Variants in OXNAD1 observed in about 807,000 individuals in gnomAD.
OXNAD1 encodes the protein oxidoreductase NAD binding domain containing 1, also known as oxidoreductase NAD-binding domain-containing protein 1.
OXNAD1 carries 34 observed loss-of-function variants against 32.9 expected under a neutral mutation model. That is an observed-to-expected ratio of 1.03 (90% confidence interval 0.79 to 1.38). The LOEUF (loss-of-function observed/expected upper bound fraction) is 1.38, where lower values mean the gene tolerates loss of function less well. OXNAD1 is among the 40% of genes most tolerant of loss of function. OXNAD1 has a pLI of 0.00. For missense variants in OXNAD1, 407 were observed against 379.4 expected (o/e 1.07, Z -0.60); for synonymous variants, 134 against 135.2 (o/e 0.99, Z 0.06).
Position 16,301,899 on chromosome 3 carries a change from C to T in OXNAD1, c.675+31C>T, listed in dbSNP as rs1364570420. On this transcript the variant is annotated intron_variant, in intron 7 of 8. Transcript: ENST00000285083. This position sits in a 1 kb window ranked among gnomAD's most constrained non-coding sequence, Gnocchi z 4.1. ...GGAGGTATAGCTTGCTGTAAGCAAA[C>T]TTGTGTAGTGGTATTAATTGTTCAT... 1 of 1,604,096 alleles carries T rather than the reference C, an allele frequency of 6.2e-7. No homozygotes were observed. The highest frequency in any genetic ancestry group is 8.5e-7 in the Non-Finnish European group (1 of 1,173,960).
At chr3:16,269,728 A>C (rs903606308) in intron 2 of OXNAD1, among the ~76,000 whole-genome samples, 2 of 152,248 alleles carry the variant, frequency 1.3e-5, no homozygotes, top group African/African-American at 4.8e-5. Context: ...AAATTAATGA[A>C]TATGGAGTAG....
chr3:16,323,097 A>G (rs1204738065), intron 9 of OXNAD1, among the ~76,000 whole-genome samples: 5 of 152,050 alleles, frequency 3.3e-5, no homozygotes, highest in African/African-American at 1.2e-4. Context: ...TTTTCATCCT[A>G]GTGGGAATAT....
intron 9 of OXNAD1, chr3:16,323,521 G>C (rs988862905): frequency 8.6e-7 from 1 of 1,167,088 alleles, no homozygotes; most frequent in Non-Finnish European, 1.3e-6. Context: ...ACCTGACACA[G>C]ATGTTGCCAT....
At chr3:16,313,020 AG>A (rs1289435361) in intron 9 of OXNAD1, among the ~76,000 whole-genome samples, 1 of 146,874 alleles carries the variant, frequency 6.8e-6, no homozygotes, top group East Asian at 1.9e-4. Flanking sequence ...ACCTTAGCAA[AG>A]GTTTATTTAA....
Position 16,301,677 on chromosome 3 carries a change from G to T in OXNAD1, c.484G>T (p.Asp162Tyr). The T allele has an allele frequency of 1.2e-6, 2 of 1,613,898 alleles. No homozygotes were observed. Among genetic ancestry groups the T allele is most frequent in the South Asian group, 2.2e-5 (2 of 91,070 alleles). Reference protein sequence around the residue: ...AVRVGGEFFFDPQPADASRNL... With the variant: ...AVRVGGEFFFYPQPADASRNL... ...GAGAGTGGGTGGAGAGTTCTTCTTT[G>T]ACCCTCAGCCTGCGGATGCCTCTAG... The change falls in exon 7 of 9, where the codon GAC becomes TAC. Residue 162 changes from aspartate to tyrosine, a missense_variant. Asp to Tyr is a radical substitution (Grantham distance 160). Coordinates refer to ENST00000285083, the MANE Select transcript of OXNAD1 (RefSeq NM_138381.5). The surrounding 1 kb of genome is among the most constrained non-coding windows in gnomAD (Gnocchi z 4.1).
chr3:16,286,414 G>A lies in OXNAD1; in HGVS notation c.256G>A (p.Ala86Thr). Residue 86 changes from alanine (A) to threonine (T), a missense_variant, in exon 5 of 9, where the codon GCT becomes ACT. Coordinates refer to ENST00000285083, the MANE Select transcript of OXNAD1 (RefSeq NM_138381.5). ...AGTGAAGAGCCTCCGCTTGCTTGTT[G>A]CTGATCAAGACTTTTCCTTTAAAGC... is the stretch of plus-strand genomic sequence containing the variant. The part of the protein sequence containing the change: ...PSVKSLRLLV[A>T]DQDFSFKAGQ... 6.2e-7 allele frequency: 1 copy of A among 1,613,928 alleles called. No individual in the cohort carries two copies. Among genetic ancestry groups the A allele is most frequent in the Non-Finnish European group, 8.5e-7 (1 of 1,179,834 alleles).
In OXNAD1 at chr3:16,284,027, A is replaced by G. The variant is rs2065920121; in HGVS notation, c.184-2315A>G. On this transcript the variant is annotated intron_variant, in intron 4 of 8. Coordinates refer to ENST00000285083, the MANE Select transcript of OXNAD1 (RefSeq NM_138381.5). This position sits in a 1 kb window ranked among gnomAD's most constrained non-coding sequence, Gnocchi z 4.1. The stretch of plus-strand genomic sequence containing the variant: ...GGAAAAAGGGAAGATTCTGTGGGCT[A>G]TAGAAGAGCTGATTGTCTCAGTAGA... 1.3e-5 allele frequency among the ~76,000 whole-genome samples: 2 copies of G among 152,316 alleles called. No homozygotes were observed. The highest frequency in any genetic ancestry group is 4.8e-5 in the African/African-American group (2 of 41,566).
At chr3:16,330,317 T>C (rs1049770110) in intron 9 of OXNAD1, among the ~76,000 whole-genome samples, 3 of 152,248 alleles carry the variant, frequency 2.0e-5, no homozygotes, top group African/African-American at 7.2e-5. Flanking sequence ...TGATTTTCCG[T>C]AAGCATCTAT....
chr3:16,296,736 CTT>C (rs2066824934), intron 6 of OXNAD1, among the ~76,000 whole-genome samples: 1 of 152,066 alleles, frequency 6.6e-6, no homozygotes, highest in Admixed American at 6.5e-5. Context: ...AAAGGATAAA[CTT>C]TTCAACAAAA....
chr3:16,272,202 G>A (rs1221440445), intron 4 of OXNAD1: 4 of 450,188 alleles, frequency 8.9e-6, no homozygotes, highest in Non-Finnish European at 1.8e-5. Flanking sequence ...AAGTGGACGA[G>A]CTCTTGTTAC....
At chr3:16,328,287 C>T (rs938463718) in intron 9 of OXNAD1, among the ~76,000 whole-genome samples, 64 of 152,198 alleles carry the variant, frequency 4.2e-4, no homozygotes, top group South Asian at 2.1e-4. Context: ...GGTCTGTGGT[C>T]GGCTTAACTC....
Position 16,342,981 on chromosome 3 carries a change from C to T in OXNAD1, c.*31-6195C>T, listed in dbSNP as rs1223986825. 6.6e-6 allele frequency among the ~76,000 whole-genome samples: 1 copy of T among 152,188 alleles called. No individual in the cohort carries two copies. The highest frequency in any genetic ancestry group is 2.4e-5 in the African/African-American group (1 of 41,454). Reference sequence around the variant, plus strand: ...CAGCCCCTCTGAGTCGCTGGGAATACAGGCACACACCACCATGCCCAGCTA... The same window carrying T: ...CAGCCCCTCTGAGTCGCTGGGAATATAGGCACACACCACCATGCCCAGCTA... On this transcript the variant is annotated intron_variant, in intron 9 of 9. Coordinates refer to the OXNAD1 transcript ENST00000606098. The surrounding 1 kb of genome is among the most constrained non-coding windows in gnomAD (Gnocchi z 4.0).
rs1460900728 is a variant in OXNAD1 at position 16,302,320 on chromosome 3, A to C, written c.676-320A>C. ...CTTTGCAGCTGCAGGAATGAACAAA[A>C]GAACAGAAACAGTTAAAAGACACAA... On this transcript the variant is annotated intron_variant, in intron 7 of 8. Transcript: ENST00000285083. This position sits in a 1 kb window ranked among gnomAD's most constrained non-coding sequence, Gnocchi z 4.2. Among the ~76,000 whole-genome samples, 1 of 152,246 alleles carries C rather than the reference A, an allele frequency of 6.6e-6. No homozygotes were observed. The highest frequency in any genetic ancestry group is 1.5e-5 in the Non-Finnish European group (1 of 68,048).
Position 16,328,996 on chromosome 3 carries a change from A to G in OXNAD1, c.*31-8116A>G, listed in dbSNP as rs9831153. On this transcript the variant is annotated intron_variant, in intron 9 of 9. Coordinates refer to the OXNAD1 transcript ENST00000435829. ...TGCTAAGGTTTGAATGTATCCCCCA[A>G]AAAGTTTCCATGTGTTGAAAACTTA... 2.4e-3 allele frequency among the ~76,000 whole-genome samples: 373 copies of G among 152,366 alleles called. 5 individuals are homozygous for G. Among genetic ancestry groups the G allele is most frequent in the African/African-American group, 8.7e-3 (361 of 41,582 alleles).
At position 16,287,696 on chromosome 3, in the gene OXNAD1, C is replaced by T. The variant is rs1397307628; in HGVS notation, c.290+1248C>T. Among the ~76,000 whole-genome samples, 5 of 152,202 alleles carry T rather than the reference C, an allele frequency of 3.3e-5. No homozygotes were observed. The highest frequency in any genetic ancestry group is 6.5e-5 in the Admixed American group (1 of 15,274). On this transcript the variant is annotated intron_variant, in intron 5 of 8. Transcript: ENST00000285083. This position sits in a 1 kb window ranked among gnomAD's most constrained non-coding sequence, Gnocchi z 4.8. The stretch of plus-strand genomic sequence containing the variant: ...ACCCAGCCTCCTGGTTAGGAAAAGC[C>T]TGTGCATTGGTTATTGTGCTGCCAC...
rs932775617 is a variant in OXNAD1, at chr3:16,289,619, A to C, written c.290+3171A>C. 4.6e-5 allele frequency among the ~76,000 whole-genome samples: 7 copies of C among 152,196 alleles called. No homozygotes were observed. The highest frequency in any genetic ancestry group is 8.8e-5 in the Non-Finnish European group (6 of 68,030). Reference sequence around the variant, plus strand: ...AGATAATATCCTTGCAACCTACACAAGCATGTGTGGCAGCCCTGATTCTCA... The same window carrying C: ...AGATAATATCCTTGCAACCTACACACGCATGTGTGGCAGCCCTGATTCTCA... On this transcript the variant is annotated intron_variant, in intron 5 of 8. Transcript: ENST00000285083. This position sits in a 1 kb window ranked among gnomAD's most constrained non-coding sequence, Gnocchi z 4.9.
rs2066164822 is a variant in OXNAD1 at position 16,287,689 on chromosome 3, GA to G, written c.290+1245del. Among the ~76,000 whole-genome samples, 1 of 152,178 alleles carries G rather than the reference GA, an allele frequency of 6.6e-6. No homozygotes were observed. The highest frequency in any genetic ancestry group is 1.9e-4 in the East Asian group (1 of 5,196). ...GACTCAGACCCAGCCTCCTGGTTAGGAAAAGCCTGTGCATTGGTTATTGTGC... is the reference window on the plus strand; with the variant it reads ...GACTCAGACCCAGCCTCCTGGTTAGGAAAGCCTGTGCATTGGTTATTGTGC... On this transcript the variant is annotated intron_variant, in intron 5 of 8. Coordinates refer to ENST00000285083, the MANE Select transcript of OXNAD1 (RefSeq NM_138381.5). The surrounding 1 kb of genome is among the most constrained non-coding windows in gnomAD (Gnocchi z 4.8).
Position 16,317,049 on chromosome 3 carries a change from C to T in OXNAD1, c.*30+13457C>T, listed in dbSNP as rs762244728. On this transcript the variant is annotated intron_variant, in intron 9 of 9. Coordinates refer to the OXNAD1 transcript ENST00000435829. This position sits in a 1 kb window ranked among gnomAD's most constrained non-coding sequence, Gnocchi z 4.3. ...TCTTGGACAGGGCCCTTCATCTCCT[C>T]GGAGACTCCACCCTCCTGCTGCTGT... 1.4e-5 allele frequency: 23 copies of T among 1,613,720 alleles called. No homozygotes were observed. Among genetic ancestry groups the T allele is most frequent in the Admixed American group, 3.3e-5 (2 of 59,988 alleles).
rs144033936 is a variant in OXNAD1 at position 16,317,146 on chromosome 3, T to A, written c.*30+13554T>A. 1.2e-6 allele frequency: 2 copies of A among 1,613,620 alleles called. No homozygotes were observed. Among genetic ancestry groups the A allele is most frequent in the African/African-American group, 1.3e-5 (1 of 74,836 alleles). On this transcript the variant is annotated intron_variant, in intron 9 of 9. Coordinates refer to the OXNAD1 transcript ENST00000435829. The surrounding 1 kb of genome is among the most constrained non-coding windows in gnomAD (Gnocchi z 4.3). ...CTAAGTTCTTCTCATTTTCTTCTGC[T>A]TGTTGTTTGTCTCTGGCACTGAGTT...
Sources: allele counts gnomAD v4.1 joint callset (sites outside exome capture counted in the v4.1 genomes callset), GRCh38; gene constraint gnomAD v4.1.1; non-coding constraint Gnocchi (gnomAD v3.1); transcripts MANE v1.5; gene names NCBI Gene and HGNC (gene_info 2026-07-23, HGNC 2026-07-21).